Variants in FN1 observed in about 807,000 individuals in gnomAD.
FN1 encodes the protein fibronectin 1.
In FN1, 106 loss-of-function variants were observed where a neutral mutation model predicts 297.3. The ratio of observed to expected loss-of-function variants is 0.36; its 90% CI spans 0.30 to 0.42. The LOEUF is 0.42. Ranked by LOEUF, FN1 falls within the 10% of genes least tolerant of loss-of-function variation. FN1 has a pLI of 1.00. For synonymous variants in FN1, 1,149 were observed against 1,152.6 expected, an observed-to-expected ratio of 1.00 and a Z score of 0.06; for missense variants, 2,690 against 3,124.9, an observed-to-expected ratio of 0.86 and a Z score of 3.32.
intron 37 of FN1, 82 bp from the exon 38 acceptor site, chr2:215,375,475 AAC>A (rs1169836236): frequency 9.3e-6 from 13 of 1,390,520 alleles, no homozygotes; most frequent in Non-Finnish European, 1.2e-5. Context: ...AGCCGTTCTA[AAC>A]ACACTTAAAA....
chr2:215,371,832 G>A (rs759745401), intron 40 of FN1, 77 bp downstream of exon 40: 707 of 1,316,074 alleles, frequency 5.4e-4, no homozygotes, highest in Non-Finnish European at 7.1e-4. Context: ...CTTTTTATTC[G>A]AGGGCTGGTC....
chr2:215,380,964 CAG>C lies in FN1; in HGVS notation c.5279_5280del (p.Pro1760ArgfsTer6). ...GGGAATAGCTCATGGATTCCATCCT[CAG>C]GGCTCGAGTAGGTCACCCTGTACCT... ...VSRYRVTYSS[P>X]EDGIHELFPA... On this transcript the variant is annotated frameshift_variant, in exon 33 of 46. Coordinates refer to ENST00000354785, the MANE Select transcript of FN1 (RefSeq NM_212482.4). LOFTEE classifies it high-confidence loss of function. The C allele has an allele frequency of 6.2e-7, 1 of 1,614,242 alleles. No individual in the cohort carries two copies. The highest frequency in any genetic ancestry group is 8.5e-7 in the Non-Finnish European group (1 of 1,180,050).
At chr2:215,414,657 C>A in intron 13 of FN1, 180 bp downstream of exon 13, 1 of 1,347,450 alleles carries the variant, frequency 7.4e-7, no homozygotes, top group East Asian at 2.7e-5. Context: ...AAACCAAAAT[C>A]CCCTCAGTCT....
At chr2:215,408,001 T>C (rs1449327225) in intron 17 of FN1, 107 bp downstream of exon 17, 5 of 792,326 alleles carry the variant, frequency 6.3e-6, no homozygotes, top group Non-Finnish European at 1.1e-5. Flanking sequence ...CCATAAATTA[T>C]ATTGGAGATT....
chr2:215,412,681 T>G (rs1293640056), intron 13 of FN1, among the ~76,000 whole-genome samples: 1 of 151,942 alleles, frequency 6.6e-6, no homozygotes, highest in African/African-American at 2.4e-5. Context: ...TCTTGGACAT[T>G]CCCAGTGTCT....
intron 19 of FN1, 76 bp from the exon 20 acceptor site, chr2:215,404,731 G>T: frequency 7.5e-7 from 1 of 1,325,354 alleles, no homozygotes; most frequent in Non-Finnish European, 1.1e-6. Context: ...AAACTTGATT[G>T]AATGTCTAAG....
chr2:215,422,179 C>T lies in FN1; in HGVS notation c.1458G>A (p.Lys486=). The T allele has an allele frequency of 6.2e-7, 1 of 1,614,098 alleles. No individual in the cohort carries two copies. Among genetic ancestry groups the T allele is most frequent in the Non-Finnish European group, 8.5e-7 (1 of 1,179,906 alleles). ...VMYRIGDQWD[K]QHDMGHMMRC... is the part of the protein sequence containing the mutation. Reference sequence around the variant, plus strand: ...TCATCATGTGACCCATGTCATGCTGCTTATCCCACTGATCTCCAATGCGGT... The same window carrying T: ...TCATCATGTGACCCATGTCATGCTGTTTATCCCACTGATCTCCAATGCGGT... Residue 486 remains lysine (K), a synonymous_variant, in exon 10 of 46, where the codon AAG becomes AAA. Transcript: ENST00000354785.
chr2:215,398,032 A>G (rs979000427), intron 21 of FN1, among the ~76,000 whole-genome samples, 184 bp from the exon 22 acceptor site: 1 of 152,198 alleles, frequency 6.6e-6, no homozygotes, highest in Non-Finnish European at 1.5e-5. Context: ...CAGGTGGGGG[A>G]GGTATCTTCC....
chr2:215,423,251 G>T, intron 9 of FN1, 99 bp downstream of exon 9: 1 of 1,234,776 alleles, frequency 8.1e-7, no homozygotes. Context: ...TCTCAAAATT[G>T]TGTTAATGAA....
At position 215,435,788 on chromosome 2, in the gene FN1, C is replaced by G. The variant is rs766923938; in HGVS notation, c.15G>C (p.Pro5=). 1.0e-5 allele frequency: 16 copies of G among 1,564,960 alleles called. 1 individual carries two copies. Among genetic ancestry groups the G allele is most frequent in the Middle Eastern group, 1.8e-4 (1 of 5,452 alleles). The stretch of plus-strand genomic sequence containing the variant: ...CGGCCAGCAGCAGCAGCCCGGGCCC[C>G]GGACCCCTAAGCATGTTGAGACGGT... MLRG[P]GPGLLLLAVQ... Residue 5 remains proline (P), a synonymous_variant, in exon 1 of 46, where the codon CCG becomes CCC. Coordinates refer to ENST00000354785, the MANE Select transcript of FN1 (RefSeq NM_212482.4).
chr2:215,428,513 A>G (rs567856214), intron 5 of FN1, among the ~76,000 whole-genome samples, 175 bp from the exon 6 acceptor site: 2 of 152,246 alleles, frequency 1.3e-5, no homozygotes, highest in Admixed American at 6.5e-5. Context: ...CATTTGTTAC[A>G]GTGGAAAGGC....
At position 215,384,136 on chromosome 2, in the gene FN1, G is replaced by A. The variant is rs1289789334; in HGVS notation, c.4778C>T (p.Thr1593Ile). The change falls in exon 30 of 46, where the codon ACA becomes ATA. Residue 1593 changes from threonine to isoleucine, a missense_variant. Coordinates refer to ENST00000354785, the MANE Select transcript of FN1 (RefSeq NM_212482.4). Reference protein sequence around the residue: ...QEFTVPGSKSTATISGLKPGV... With the variant: ...QEFTVPGSKSIATISGLKPGV... ...AGGTTTAAGGCCGCTGATGGTAGCT[G>A]TAGACTTGCTCCCAGGCACAGTGAA... 2 of 1,613,994 alleles carry A rather than the reference G, an allele frequency of 1.2e-6. No individual in the cohort carries two copies.
rs572467635 is a variant in FN1, at chr2:215,363,499, G to GATCATAGTA, written c.7251+1371_7251+1379dup. 9.2e-5 allele frequency: 14 copies of GATCATAGTA among 152,324 alleles called. No individual in the cohort carries two copies. In the East Asian group the frequency reaches 2.7e-3, roughly 29 times the overall value. The allele number at this position is 152,324 out of a possible 1,614,324, so 9.4% of individuals were successfully genotyped here. On this transcript the variant is annotated intron_variant, in intron 44 of 45. Coordinates refer to ENST00000354785, the MANE Select transcript of FN1 (RefSeq NM_212482.4). ...CATGTAATCACTGGGGGTGAAACAA[G>GATCATAGTA]ATCATAGTAGTTTCCATGGGCTGCC...
Position 215,404,578 on chromosome 2 carries a change from C to A in FN1, c.3064G>T (p.Ala1022Ser). 1.2e-6 allele frequency: 2 copies of A among 1,613,936 alleles called. No individual in the cohort carries two copies. The highest frequency in any genetic ancestry group is 1.7e-6 in the Non-Finnish European group (2 of 1,179,880). Residue 1022 changes from alanine to serine, a missense_variant, in exon 20 of 46, where the codon GCC (alanine) becomes TCC (serine). Physicochemically the swap from Ala to Ser is moderately conservative, Grantham distance 99. Coordinates refer to ENST00000354785, the MANE Select transcript of FN1 (RefSeq NM_212482.4). ...TVLVRWTPPRAQITGYRLTVG... is the reference protein window; with the variant it reads ...TVLVRWTPPRSQITGYRLTVG... ...GTCAGTCGGTATCCTGTTATCTGGG[C>A]CCGAGGTGGAGTCCATCTCACCAGG...
At chr2:215,367,528 CTG>C (rs1361851079) in intron 42 of FN1, among the ~76,000 whole-genome samples, 1 of 152,162 alleles carries the variant, frequency 6.6e-6, no homozygotes, top group Non-Finnish European at 1.5e-5. Context: ...TGAGGTTTTT[CTG>C]TGTCTCTAAT....
At chr2:215,389,458 GAT>G (rs2059441200) in intron 26 of FN1, among the ~76,000 whole-genome samples, 1 of 151,684 alleles carries the variant, frequency 6.6e-6, no homozygotes, top group African/African-American at 2.4e-5. Flanking sequence ...GATACATTTT[GAT>G]AAGTGTGTGA....
chr2:215,394,776 T>A, intron 23 of FN1, 57 bp from the exon 24 acceptor site: 2 of 1,353,176 alleles, frequency 1.5e-6, no homozygotes, highest in Non-Finnish European at 1.1e-6. Flanking sequence ...CCAGAGCATA[T>A]TTAACTAGAC....
intron 35 of FN1, among the ~76,000 whole-genome samples, chr2:215,377,468 C>T (rs13385786): frequency 2.0e-5 from 3 of 151,942 alleles, no homozygotes; most frequent in African/African-American, 2.4e-5. Context: ...GTCCTCCCCC[C>T]CCAACTCTCT....
At chr2:215,411,106 A>G (rs531753543) in intron 13 of FN1, among the ~76,000 whole-genome samples, 3 of 152,324 alleles carry the variant, frequency 2.0e-5, no homozygotes, top group Admixed American at 2.0e-4. Flanking sequence ...GTGGTTACCC[A>G]ATTTTGGACA....
Sources: gnomAD v4.1 joint callset for allele counts (sites outside exome capture counted in the v4.1 genomes callset) on GRCh38, gnomAD v4.1.1 for gene constraint, MANE v1.5 for transcripts, NCBI Gene and HGNC (gene_info 2026-07-23, HGNC 2026-07-21) for gene names.